GLI2: variants seen among roughly 807,000 people sequenced by gnomAD.
GLI2 encodes the protein transcription activator GLI2.
GLI2 carries 22 observed loss-of-function variants against 78.9 expected under a neutral mutation model. The ratio of observed to expected loss-of-function variants is 0.28; its 90% CI spans 0.20 to 0.40. The LOEUF (loss-of-function observed/expected upper bound fraction) is 0.40, where lower values mean the gene tolerates loss of function less well. GLI2 is among the 10% of genes least tolerant of loss of function. The probability of loss-of-function intolerance (pLI) is 1.00; values close to 1 mark genes in which losing one functional copy is unlikely to be tolerated. For missense variants in GLI2, 2,097 were observed against 2,213.2 expected, an observed-to-expected ratio of 0.95 and a Z score of 1.05; for synonymous variants, 974 against 963.7, an observed-to-expected ratio of 1.01 and a Z score of -0.20.
chr2:120,978,381 G>A (rs1306635577), intron 9 of GLI2, 53 bp from the exon 10 acceptor site: 17 of 1,607,922 alleles, frequency 1.1e-5, no homozygotes, highest in Non-Finnish European at 1.4e-5. Context: ...GCAGGGGGTG[G>A]TCTGTGGGCC....
rs1682419888 is a variant in GLI2, at chr2:120,737,965, T to C, written c.-31+1680T>C. 2.0e-5 allele frequency among the ~76,000 whole-genome samples: 3 copies of C among 152,198 alleles called. No individual in the cohort carries two copies. In the South Asian group the frequency reaches 6.2e-4, roughly 31 times the overall value. ...CCAGCCACCTCACCTGCCAGCTTTC[T>C]CTCCGCCCATTTCCTTACCTTGCTG... On this transcript the variant is annotated intron_variant, in intron 1 of 13. Transcript: ENST00000361492. The surrounding 1 kb of genome is among the most constrained non-coding windows in gnomAD (Gnocchi z 4.3).
At chr2:120,764,782 G>A (rs1468630885) in intron 1 of GLI2, among the ~76,000 whole-genome samples, 1 of 152,190 alleles carries the variant, frequency 6.6e-6, no homozygotes, top group Non-Finnish European at 1.5e-5. Flanking sequence ...CTTTTTGCAT[G>A]TTTGCCCAGC....
At chr2:120,955,491 A>G in intron 5 of GLI2, 61 bp downstream of exon 5, 1 of 1,130,734 alleles carries the variant, frequency 8.8e-7, no homozygotes. Context: ...GAGGCTGAGA[A>G]GGTCACTCGC....
At chr2:120,914,127 C>T (rs940586910) in intron 2 of GLI2, among the ~76,000 whole-genome samples, 4 of 152,196 alleles carry the variant, frequency 2.6e-5, no homozygotes, top group Non-Finnish European at 5.9e-5. Flanking sequence ...GAATCACCTG[C>T]GACAAGTGGG....
chr2:120,924,107 G>A (rs1208518916), intron 2 of GLI2, among the ~76,000 whole-genome samples: 1 of 152,216 alleles, frequency 6.6e-6, no homozygotes, highest in African/African-American at 2.4e-5. Flanking sequence ...GGAGGAGCAA[G>A]ACCATGAATG....
chr2:120,767,628 C>T (rs570751623), intron 1 of GLI2, among the ~76,000 whole-genome samples: 201 of 152,356 alleles, frequency 1.3e-3, no homozygotes, highest in African/African-American at 4.5e-3. Flanking sequence ...AGCATCTTCC[C>T]ACCGTCTGCC....
chr2:120,979,243 C>T (rs906984651), intron 10 of GLI2, among the ~76,000 whole-genome samples: 1 of 152,046 alleles, frequency 6.6e-6, no homozygotes, highest in Non-Finnish European at 1.5e-5. Flanking sequence ...TGCTGGGATT[C>T]GTCTTGAGCC....
intron 1 of GLI2, among the ~76,000 whole-genome samples, chr2:120,739,743 T>C (rs1339948355): frequency 6.6e-6 from 1 of 152,178 alleles, no homozygotes; most frequent in African/African-American, 2.4e-5. Flanking sequence ...GTCAGAGGCA[T>C]GGACAAGTGA....
chr2:120,887,213 C>G (rs1677455210), intron 2 of GLI2, among the ~76,000 whole-genome samples: 1 of 152,224 alleles, frequency 6.6e-6, no homozygotes. Context: ...ACCCCCCGCC[C>G]ACAAGATCCC....
chr2:120,863,701 T>G (rs1688001110), intron 2 of GLI2, among the ~76,000 whole-genome samples: 1 of 152,236 alleles, frequency 6.6e-6, no homozygotes, highest in Non-Finnish European at 1.5e-5. Context: ...TCCAAATCAT[T>G]GATTTATAAT....
intron 1 of GLI2, among the ~76,000 whole-genome samples, chr2:120,782,584 A>G (rs1388686584): frequency 6.6e-6 from 1 of 152,226 alleles, no homozygotes; most frequent in East Asian, 1.9e-4. Context: ...TTACAGCTTA[A>G]GGTGGTGAGA....
At position 120,951,344 on chromosome 2, in the gene GLI2, A is replaced by G. The variant is rs1473431556; in HGVS notation, c.356A>G (p.His119Arg). 2 of 1,503,714 alleles carry G rather than the reference A, an allele frequency of 1.3e-6. No individual in the cohort carries two copies. The highest frequency in any genetic ancestry group is 1.1e-5 in the South Asian group (1 of 88,804). 93.1% of individuals were successfully genotyped at this position (1,503,714 alleles called of 1,614,324 possible). A position where few individuals can be genotyped will look rare whatever the true frequency, so the allele number is the denominator to read the frequency against. ...GPGESPFNAP[H>R]PYVNPHMEHY... ...GGGGAGTCCCCCTTCAACGCCCCCC[A>G]CCCGTACGTGAACCCCCACATGGAG... Residue 119 changes from histidine (H) to arginine (R), a missense_variant, in exon 4 of 14, where the codon CAC becomes CGC. His to Arg is a conservative substitution (Grantham distance 29, BLOSUM62 0). This residue lies in a region of GLI2 where 578 missense variants were observed against 612.0 expected (regional missense o/e 0.94). Coordinates refer to ENST00000361492, the MANE Select transcript of GLI2 (RefSeq NM_001374353.1).
At chr2:120,965,360 C>T (rs1436818583) in intron 5 of GLI2, among the ~76,000 whole-genome samples, 1 of 143,204 alleles carries the variant, frequency 7.0e-6, no homozygotes, top group Non-Finnish European at 1.5e-5. Context: ...CACACTCCAG[C>T]CGGGATGCAG....
chr2:120,768,826 T>TGTGTGTGTGC (rs1007722814), intron 1 of GLI2, among the ~76,000 whole-genome samples: 8 of 151,258 alleles, frequency 5.3e-5, no homozygotes, highest in African/African-American at 2.0e-4. Context: ...TGTGTGTGTG[T>TGTGTGTGTGC]GTGCGTGTGT....
At chr2:120,824,391 G>T (rs749529828) in intron 2 of GLI2, among the ~76,000 whole-genome samples, 6 of 152,352 alleles carry the variant, frequency 3.9e-5, no homozygotes, top group South Asian at 2.1e-4. Flanking sequence ...CCTTACAGGG[G>T]TGTGGGCCCC....
intron 2 of GLI2, among the ~76,000 whole-genome samples, chr2:120,898,965 C>T (rs1303531603): frequency 1.3e-5 from 2 of 152,084 alleles, no homozygotes; most frequent in Admixed American, 6.5e-5. Context: ...GTTGTCAGCA[C>T]GTGGCACCTC....
chr2:120,939,094 C>T (rs1047584088), intron 3 of GLI2, among the ~76,000 whole-genome samples: 2 of 152,162 alleles, frequency 1.3e-5, no homozygotes, highest in African/African-American at 2.4e-5. Context: ...CCAGCCTGGC[C>T]AACATGGCGA....
intron 2 of GLI2, among the ~76,000 whole-genome samples, chr2:120,916,972 A>G (rs150540701): frequency 4.5e-4 from 69 of 152,230 alleles, no homozygotes; most frequent in African/African-American, 1.4e-3. Context: ...CTTTAGGTAC[A>G]ACTTCCCTGG....
At chr2:120,925,667 A>G (rs1184003987) in intron 2 of GLI2, among the ~76,000 whole-genome samples, 1 of 152,178 alleles carries the variant, frequency 6.6e-6, no homozygotes, top group African/African-American at 2.4e-5. Flanking sequence ...GGGGAGAGTA[A>G]TGGGAGTTAG....
Sources: gnomAD v4.1 joint callset for allele counts (sites outside exome capture counted in the v4.1 genomes callset) on GRCh38, gnomAD v4.1.1 for gene constraint, gnomAD v4.1.1 regional missense constraint, Gnocchi (gnomAD v3.1) non-coding constraint, MANE v1.5 for transcripts, NCBI Gene and HGNC (gene_info 2026-07-23, HGNC 2026-07-21) for gene names.